RFX2: variants seen among roughly 807,000 people sequenced by gnomAD.
The protein encoded by RFX2 is DNA-binding protein RFX2.
In RFX2, 20 loss-of-function variants were observed where a neutral mutation model predicts 87.8. The observed-to-expected ratio is 0.23, with a 90% confidence interval of 0.16 to 0.33. The LOEUF is 0.33. RFX2 is among the 10% of genes least tolerant of loss of function. The pLI is 1.00. For synonymous variants in RFX2, 397 were observed against 431.3 expected (o/e 0.92, Z 0.98); for missense variants, 767 against 1,012.3 (o/e 0.76, Z 3.29).
intron 6 of RFX2, among the ~76,000 whole-genome samples, chr19:6,025,878 C>T (rs904459402): frequency 2.0e-5 from 3 of 150,894 alleles, no homozygotes; most frequent in African/African-American, 4.9e-5. Context: ...CTCTGCCTCC[C>T]GGGTTCAAGC....
chr19:6,057,364 G>C (rs2087359678), intron 1 of RFX2: 1 of 152,358 alleles, frequency 6.6e-6, no homozygotes, highest in Non-Finnish European at 1.5e-5. Flanking sequence ...AACCAGCAAT[G>C]TCAGGAAAGG....
chr19:6,049,833 C>G (rs1401696448), intron 1 of RFX2, among the ~76,000 whole-genome samples: 1 of 152,240 alleles, frequency 6.6e-6, no homozygotes, highest in African/African-American at 2.4e-5. Context: ...CAGCCTGTTC[C>G]CCTAATTTAA....
intron 5 of RFX2, among the ~76,000 whole-genome samples, chr19:6,038,899 G>C (rs1254704973): frequency 1.3e-5 from 2 of 152,150 alleles, no homozygotes; most frequent in Non-Finnish European, 2.9e-5. Flanking sequence ...CAACCACTTG[G>C]GAAACTGGTG....
chr19:6,026,432 G>A lies in RFX2; in HGVS notation c.523-195C>T. On this transcript the variant is annotated intron_variant, in intron 5 of 17. Transcript: ENST00000303657. The surrounding 1 kb of genome is among the most constrained non-coding windows in gnomAD (Gnocchi z 4.5). ...TTGTGCATGAAAGCTGCGGTAGGGA[G>A]TGTTGCTTCGCACACGTAGGTAAGC... The A allele has an allele frequency of 1.7e-6, 1 of 601,098 alleles. No individual in the cohort carries two copies. The highest frequency in any genetic ancestry group is 2.9e-6 in the Non-Finnish European group (1 of 339,902). 37.2% of individuals were successfully genotyped at this position (601,098 alleles called of 1,614,324 possible). A position where few individuals can be genotyped will look rare whatever the true frequency, so the allele number is the denominator to read the frequency against.
At position 5,999,570 on chromosome 19, in the gene RFX2, T is replaced by C. The variant is rs1490784040; in HGVS notation, c.1859+2245A>G. 6.6e-6 allele frequency among the ~76,000 whole-genome samples: 1 copy of C among 152,172 alleles called. No homozygotes were observed. Among genetic ancestry groups the C allele is most frequent in the African/African-American group, 2.4e-5 (1 of 41,432 alleles). On this transcript the variant is annotated intron_variant, in intron 15 of 17. Coordinates refer to ENST00000303657, the MANE Select transcript of RFX2 (RefSeq NM_000635.4). This position sits in a 1 kb window ranked among gnomAD's most constrained non-coding sequence, Gnocchi z 4.1. ...TTTCTGTTATGTGGCAGTGGTGTGC[T>C]AGGTCCATGGCAGAGCCGCATAGTC... is the stretch of plus-strand genomic sequence containing the variant.
intron 1 of RFX2, among the ~76,000 whole-genome samples, chr19:6,070,628 C>T (rs370801139): frequency 2.0e-5 from 3 of 152,132 alleles, no homozygotes; most frequent in Admixed American, 2.0e-4. Context: ...TTGCCCCCAC[C>T]CCATGGTCCC....
intron 1 of RFX2, among the ~76,000 whole-genome samples, chr19:6,098,965 C>CAAAAAAAAAAAAAA (rs34110529): frequency 5.7e-5 from 3 of 52,796 alleles, no homozygotes; most frequent in African/African-American, 1.6e-4. Context: ...GCTTGAACCA[C>CAAAAAAAAAAAAAA]AAAAAAAAAA....
chr19:5,999,356 G>A lies in RFX2; in HGVS notation c.1860-2143C>T, dbSNP rs2086461506. 6.6e-6 allele frequency among the ~76,000 whole-genome samples: 1 copy of A among 152,100 alleles called. No homozygotes were observed. ...CGTGACCCCGATCCCCTCCAGCTCT[G>A]AGCTGTGCTCTTCTCTGGCTGGCAG... On this transcript the variant is annotated intron_variant, in intron 15 of 17. Coordinates refer to ENST00000303657, the MANE Select transcript of RFX2 (RefSeq NM_000635.4). The surrounding 1 kb of genome is among the most constrained non-coding windows in gnomAD (Gnocchi z 4.1).
chr19:6,019,512 A>ATGAGTATG (rs1555774668), intron 6 of RFX2, among the ~76,000 whole-genome samples: 8 of 126,990 alleles, frequency 6.3e-5, no homozygotes, highest in Non-Finnish European at 1.1e-4. Context: ...GTGTGTGAGT[A>ATGAGTATG]TGTGTGTGTG....
chr19:6,016,048 A>G lies in RFX2; in HGVS notation c.779+42T>C, dbSNP rs1328264880. The stretch of plus-strand genomic sequence containing the variant: ...TTCCCAAAAGCTCCATTTCTTGGGA[A>G]AGGAAGAGGAAGAACAGGTGGGCTG... On this transcript the variant is annotated intron_variant, in intron 7 of 17. Coordinates refer to ENST00000303657, the MANE Select transcript of RFX2 (RefSeq NM_000635.4). The surrounding 1 kb of genome is among the most constrained non-coding windows in gnomAD (Gnocchi z 5.4). The G allele has an allele frequency of 6.6e-7, 1 of 1,524,154 alleles. No individual in the cohort carries two copies. Among genetic ancestry groups the G allele is most frequent in the South Asian group, 1.3e-5 (1 of 79,464 alleles). The allele number at this position is 1,524,154 out of a possible 1,614,324, so 94.4% of individuals were successfully genotyped here. A position where few individuals can be genotyped will look rare whatever the true frequency, so the allele number is the denominator to read the frequency against.
rs954743255 is a variant in RFX2 at position 6,022,489 on chromosome 19, G to A, written c.597+3674C>T. On this transcript the variant is annotated intron_variant, in intron 6 of 17. Transcript: ENST00000303657. The surrounding 1 kb of genome is among the most constrained non-coding windows in gnomAD (Gnocchi z 6.2). Reference sequence around the variant, plus strand: ...CGCCACCTCATGGTGACAGAGACTCGGTGAACCTGCTACGGGGTCCCGGTC... The same window carrying A: ...CGCCACCTCATGGTGACAGAGACTCAGTGAACCTGCTACGGGGTCCCGGTC... 3.9e-5 allele frequency among the ~76,000 whole-genome samples: 6 copies of A among 152,218 alleles called. No homozygotes were observed. The highest frequency in any genetic ancestry group is 9.6e-5 in the African/African-American group (4 of 41,454).
At position 6,003,775 on chromosome 19, in the gene RFX2, T is replaced by C. The variant is rs535852529; in HGVS notation, c.1500+426A>G. Among the ~76,000 whole-genome samples the C allele has an allele frequency of 3.7e-3, 295 of 80,512 alleles. 2 individuals carry two copies. Among genetic ancestry groups the C allele is most frequent in the African/African-American group, 0.017 (275 of 16,644 alleles). The allele number at this position is 80,512 out of a possible 152,430, so 52.8% of individuals were successfully genotyped here. A position where few individuals can be genotyped will look rare whatever the true frequency, so the allele number is the denominator to read the frequency against. On this transcript the variant is annotated intron_variant, in intron 13 of 17. Transcript: ENST00000303657. ...GCCTGGGCGACAGAGTGAGACTCTG[T>C]CTCAAAAAAAAAAAAAAAAAAAAAA...
Position 6,047,414 on chromosome 19 carries a change from G to A in RFX2, c.83C>T (p.Ser28Phe), listed in dbSNP as rs1248016156. The change falls in exon 2 of 18, where the codon TCC becomes TTC. Residue 28 changes from serine to phenylalanine, a missense_variant. This residue lies in a region of RFX2 where 146 missense variants were observed against 139.2 expected (regional missense o/e 1.05). Coordinates refer to ENST00000303657, the MANE Select transcript of RFX2 (RefSeq NM_000635.4). This position sits in a 1 kb window ranked among gnomAD's most constrained non-coding sequence, Gnocchi z 4.2. ...CTGAGAGGCGCGCGTTACCTGCGGG[G>A]AGGCTGGCACAGGCGGGGCTGCCGC... ...PSAAAPPVPA[S>F]PQRVLVQAAS... 1 of 1,607,422 alleles carries A rather than the reference G, an allele frequency of 6.2e-7. No homozygotes were observed. Among genetic ancestry groups the A allele is most frequent in the Non-Finnish European group, 8.5e-7 (1 of 1,177,224 alleles).
rs899167826 is a variant in RFX2, at chr19:6,021,274, C to T, written c.597+4889G>A. The stretch of plus-strand genomic sequence containing the variant: ...CCCATTCCACAAATATTTACGAGAG[C>T]TGGCTCTATGCCAGGCCTTGTTTAG... On this transcript the variant is annotated intron_variant, in intron 6 of 17. Transcript: ENST00000303657. This position sits in a 1 kb window ranked among gnomAD's most constrained non-coding sequence, Gnocchi z 5.7. 5.3e-5 allele frequency among the ~76,000 whole-genome samples: 8 copies of T among 152,228 alleles called. No individual in the cohort carries two copies. The highest frequency in any genetic ancestry group is 1.0e-4 in the Non-Finnish European group (7 of 68,038).
At chr19:6,025,449 A>G (rs1367311107) in intron 6 of RFX2, among the ~76,000 whole-genome samples, 1 of 152,192 alleles carries the variant, frequency 6.6e-6, no homozygotes, top group African/African-American at 2.4e-5. Flanking sequence ...AAAATTAGCT[A>G]AGAGTCTAAG....
intron 1 of RFX2, among the ~76,000 whole-genome samples, chr19:6,109,863 TG>T: frequency 6.8e-6 from 1 of 146,858 alleles, no homozygotes; most frequent in Middle Eastern, 3.6e-3. Context: ...GAAGGGTCCC[TG>T]GGTGCCCCCA....
At chr19:6,072,272 T>G (rs1048785581) in intron 1 of RFX2, 1 of 152,314 alleles carries the variant, frequency 6.6e-6, no homozygotes, top group African/African-American at 2.4e-5. Flanking sequence ...CTTTCAGACC[T>G]TTCCATGTTC....
chr19:6,094,762 A>G (rs570572023), intron 1 of RFX2, among the ~76,000 whole-genome samples: 2 of 152,352 alleles, frequency 1.3e-5, no homozygotes, highest in East Asian at 3.8e-4. Flanking sequence ...ATTGAAATGA[A>G]TATTTTCAAT....
At chr19:6,036,069 C>G (rs1230505305) in intron 5 of RFX2, among the ~76,000 whole-genome samples, 5 of 152,172 alleles carry the variant, frequency 3.3e-5, no homozygotes, top group African/African-American at 1.2e-4. Context: ...TTGTGACTTG[C>G]AATCCTAGTC....
Sources: allele counts gnomAD v4.1 joint callset (sites outside exome capture counted in the v4.1 genomes callset), GRCh38; gene constraint gnomAD v4.1.1; regional missense constraint gnomAD v4.1.1; non-coding constraint Gnocchi (gnomAD v3.1); transcripts MANE v1.5; gene names NCBI Gene and HGNC (gene_info 2026-07-23, HGNC 2026-07-21).